DOK5: variants seen among roughly 807,000 people sequenced by gnomAD.
The protein encoded by DOK5 is downstream of tyrosine kinase 5.
DOK5 carries 27 observed loss-of-function variants against 43.3 expected under a neutral mutation model. The observed-to-expected ratio is 0.62, with a 90% CI of 0.46 to 0.86. The LOEUF is 0.86. Ranked by LOEUF, DOK5 falls within the 40% of genes least tolerant of loss-of-function variation. The pLI, the probability that DOK5 is intolerant of heterozygous loss-of-function variation, is 0.00. For missense variants in DOK5, 373 were observed against 392.9 expected (o/e 0.95, Z 0.43); for synonymous variants, 146 against 140.1 (o/e 1.04, Z -0.30).
intron 6 of DOK5, among the ~76,000 whole-genome samples, chr20:54,642,246 T>A: frequency 6.6e-6 from 1 of 152,174 alleles, no homozygotes; most frequent in Non-Finnish European, 1.5e-5. Flanking sequence ...TCTGATAATC[T>A]GGGGGACTAG....
intron 1 of DOK5, among the ~76,000 whole-genome samples, chr20:54,530,276 C>G (rs1983725372): frequency 6.6e-6 from 1 of 152,118 alleles, no homozygotes; most frequent in Non-Finnish European, 1.5e-5. Flanking sequence ...AGAGTCTGCC[C>G]TATTACTCAT....
At chr20:54,509,754 G>A (rs1250499241) in intron 1 of DOK5, among the ~76,000 whole-genome samples, 3 of 152,096 alleles carry the variant, frequency 2.0e-5, no homozygotes, top group Admixed American at 2.0e-4. Context: ...TGCTGGTAAA[G>A]ACCAAGCTTT....
At chr20:54,588,623 CT>C (rs1463811465) in intron 3 of DOK5, 26 bp downstream of exon 3, 1 of 1,613,970 alleles carries the variant, frequency 6.2e-7, no homozygotes, top group Admixed American at 1.7e-5. Context: ...GGCTGGGGGG[CT>C]TTTGCTTTTA....
chr20:54,583,878 G>A (rs1047998119), intron 2 of DOK5, among the ~76,000 whole-genome samples: 10 of 151,686 alleles, frequency 6.6e-5, no homozygotes, highest in Non-Finnish European at 1.2e-4. Flanking sequence ...AGTAATTACT[G>A]CACCAGGCAT....
chr20:54,495,910 A>G (rs1982373164), intron 1 of DOK5, among the ~76,000 whole-genome samples: 1 of 152,118 alleles, frequency 6.6e-6, no homozygotes, highest in Non-Finnish European at 1.5e-5. Flanking sequence ...AAAGAAGTAC[A>G]TTTCCCAGGC....
chr20:54,512,185 G>C (rs1433390648), intron 1 of DOK5, among the ~76,000 whole-genome samples: 5 of 152,286 alleles, frequency 3.3e-5, no homozygotes, highest in East Asian at 1.9e-4. Context: ...GGAGACATCT[G>C]CTTCCTTTCT....
chr20:54,571,286 C>A (rs1985273621), intron 2 of DOK5, among the ~76,000 whole-genome samples: 1 of 152,196 alleles, frequency 6.6e-6, no homozygotes, highest in Non-Finnish European at 1.5e-5. Flanking sequence ...CTGCCTCGCT[C>A]TCAGGACCTC....
intron 1 of DOK5, among the ~76,000 whole-genome samples, chr20:54,517,948 T>C (rs1406876023): frequency 2.6e-5 from 4 of 152,188 alleles, no homozygotes; most frequent in African/African-American, 9.7e-5. Context: ...AATAAATTTC[T>C]GTTGTTTATA....
chr20:54,480,995 T>TATCTATCTATCTATC (rs1568746251), intron 1 of DOK5, among the ~76,000 whole-genome samples: 1 of 139,730 alleles, frequency 7.2e-6, no homozygotes, highest in Non-Finnish European at 1.6e-5. Context: ...ATCTATCATC[T>TATCTATCTATCTATC]ATCTATCATC....
At chr20:54,509,666 G>C (rs1194583748) in intron 1 of DOK5, among the ~76,000 whole-genome samples, 1 of 152,186 alleles carries the variant, frequency 6.6e-6, no homozygotes, top group Non-Finnish European at 1.5e-5. Flanking sequence ...ATAGTGATGA[G>C]AGCATTTATT....
At chr20:54,486,995 CTA>C (rs1981960848) in intron 1 of DOK5, among the ~76,000 whole-genome samples, 1 of 152,012 alleles carries the variant, frequency 6.6e-6, no homozygotes, top group Non-Finnish European at 1.5e-5. Flanking sequence ...CTGTTGTCTT[CTA>C]TGATATATTT....
At chr20:54,590,113 G>A (rs1985933217) in intron 4 of DOK5, among the ~76,000 whole-genome samples, 1 of 152,114 alleles carries the variant, frequency 6.6e-6, no homozygotes, top group African/African-American at 2.4e-5. Context: ...TTGTATTTGG[G>A]GAAGCAGTAT....
intron 5 of DOK5, among the ~76,000 whole-genome samples, chr20:54,600,013 A>C (rs544074630): frequency 5.4e-4 from 82 of 152,334 alleles, no homozygotes; most frequent in African/African-American, 1.9e-3. Flanking sequence ...GAAGGGGTGC[A>C]ATTTTAAAGA....
intron 2 of DOK5, among the ~76,000 whole-genome samples, chr20:54,584,937 T>C (rs1985758279): frequency 6.6e-6 from 1 of 152,184 alleles, no homozygotes; most frequent in Non-Finnish European, 1.5e-5. Flanking sequence ...TTGCCTTGGT[T>C]TTCTCATTTG....
At chr20:54,636,405 C>T (rs1978825365) in intron 6 of DOK5, among the ~76,000 whole-genome samples, 1 of 152,148 alleles carries the variant, frequency 6.6e-6, no homozygotes, top group South Asian at 2.1e-4. Flanking sequence ...TGCAACTTCC[C>T]CAATTATTCC....
chr20:54,535,022 C>T (rs1983912620), intron 1 of DOK5, among the ~76,000 whole-genome samples: 1 of 151,950 alleles, frequency 6.6e-6, no homozygotes, highest in Non-Finnish European at 1.5e-5. Context: ...TTAGTAGAGA[C>T]AGGGTTTCAC....
At chr20:54,608,828 C>T (rs1014371450) in intron 5 of DOK5, among the ~76,000 whole-genome samples, 1 of 152,160 alleles carries the variant, frequency 6.6e-6, no homozygotes, top group South Asian at 2.1e-4. Context: ...CCCCCCACAC[C>T]ATGCCTGGCT....
chr20:54,516,936 G>C (rs943039367), intron 1 of DOK5, among the ~76,000 whole-genome samples: 5 of 152,158 alleles, frequency 3.3e-5, no homozygotes, highest in Non-Finnish European at 7.3e-5. Flanking sequence ...TCTACAAACT[G>C]TCTCCTGGGC....
intron 1 of DOK5, among the ~76,000 whole-genome samples, chr20:54,534,586 G>A (rs1600685816): frequency 6.6e-6 from 1 of 152,190 alleles, no homozygotes; most frequent in African/African-American, 2.4e-5. Context: ...ACATTAACAG[G>A]TCTTAGCTCA....
Sources: gnomAD v4.1 joint callset for allele counts (sites outside exome capture counted in the v4.1 genomes callset) on GRCh38, gnomAD v4.1.1 for gene constraint, MANE v1.5 for transcripts, NCBI Gene and HGNC (gene_info 2026-07-23, HGNC 2026-07-21) for gene names.